Variants in CDH18 observed in about 807,000 individuals in gnomAD.
The protein encoded by CDH18 is cadherin 18.
CDH18 carries 31 observed loss-of-function variants against 67.9 expected under a neutral mutation model. That is an observed-to-expected ratio of 0.46 (90% CI 0.34 to 0.62). The LOEUF (loss-of-function observed/expected upper bound fraction) is 0.62, where lower values mean the gene tolerates loss of function less well. Among genes scored for constraint, CDH18 ranks in the 20% least tolerant of loss-of-function variants. The probability of loss-of-function intolerance (pLI) is 0.01; values close to 1 mark genes in which losing one functional copy is unlikely to be tolerated. For missense variants in CDH18, 890 were observed against 975.5 expected (o/e 0.91, Z 1.17); for synonymous variants, 362 against 347.2 (o/e 1.04, Z -0.48).
chr5:20,421,320 C>A (rs1176754344), intron 1 of CDH18, among the ~76,000 whole-genome samples: 1 of 150,718 alleles, frequency 6.6e-6, no homozygotes, highest in Non-Finnish European at 1.5e-5. Flanking sequence ...GCAGAGAACA[C>A]GTATCCACTT....
chr5:20,540,482 A>C (rs1756993565), intron 1 of CDH18, among the ~76,000 whole-genome samples: 1 of 152,204 alleles, frequency 6.6e-6, no homozygotes. Flanking sequence ...ATGTATGTCT[A>C]TATATGATGT....
chr5:19,626,475 T>C (rs1461428180), intron 5 of CDH18, among the ~76,000 whole-genome samples: 1 of 152,160 alleles, frequency 6.6e-6, no homozygotes, highest in Non-Finnish European at 1.5e-5. Context: ...TCCTTTATCC[T>C]GAGCACTATA....
intron 5 of CDH18, among the ~76,000 whole-genome samples, chr5:19,717,083 T>A (rs977866311): frequency 1.3e-5 from 2 of 152,064 alleles, no homozygotes; most frequent in African/African-American, 4.8e-5. Context: ...AAAGAGCTGA[T>A]ATTGACTACT....
intron 1 of CDH18, among the ~76,000 whole-genome samples, chr5:20,478,088 A>C (rs1289081825): frequency 6.6e-6 from 1 of 152,126 alleles, no homozygotes; most frequent in Non-Finnish European, 1.5e-5. Context: ...GTCACAAATA[A>C]ATATTGGTGG....
intron 1 of CDH18, among the ~76,000 whole-genome samples, chr5:20,282,943 G>T (rs1004685813): frequency 3.3e-5 from 5 of 151,950 alleles, no homozygotes; most frequent in Admixed American, 3.3e-4. Flanking sequence ...CATCAAAATA[G>T]AGAGACCAAA....
chr5:20,468,903 G>A (rs1315206508), intron 1 of CDH18, among the ~76,000 whole-genome samples: 1 of 152,116 alleles, frequency 6.6e-6, no homozygotes, highest in African/African-American at 2.4e-5. Flanking sequence ...TACATTAATC[G>A]AGGTGCATTA....
intron 1 of CDH18, among the ~76,000 whole-genome samples, chr5:20,352,814 A>T (rs925071118): frequency 1.3e-5 from 2 of 151,946 alleles, no homozygotes; most frequent in East Asian, 1.9e-4. Context: ...AATAAAAAAA[A>T]AATAACCTAA....
chr5:20,174,157 TG>T (rs1322473435), intron 2 of CDH18, among the ~76,000 whole-genome samples: 1 of 152,196 alleles, frequency 6.6e-6, no homozygotes, highest in Non-Finnish European at 1.5e-5. Flanking sequence ...GTTTTATAAA[TG>T]GAATTCTAAT....
chr5:19,960,125 A>G (rs1486440321), intron 2 of CDH18, among the ~76,000 whole-genome samples: 1 of 152,042 alleles, frequency 6.6e-6, no homozygotes, highest in African/African-American at 2.4e-5. Flanking sequence ...AGGTAACACT[A>G]AATTTAAATA....
At chr5:20,093,094 A>C (rs1257222394) in intron 2 of CDH18, among the ~76,000 whole-genome samples, 7 of 152,136 alleles carry the variant, frequency 4.6e-5, no homozygotes, top group Admixed American at 4.6e-4. Context: ...ATATTGAGCA[A>C]GGAATGCTGG....
At chr5:20,288,865 TAC>T (rs1464331924) in intron 1 of CDH18, among the ~76,000 whole-genome samples, 4 of 151,978 alleles carry the variant, frequency 2.6e-5, no homozygotes, top group Admixed American at 2.6e-4. Context: ...TTAAAATACC[TAC>T]AGTTAAGATA....
intron 8 of CDH18, among the ~76,000 whole-genome samples, chr5:19,560,341 A>G (rs547045034): frequency 2.0e-5 from 3 of 152,130 alleles, no homozygotes; most frequent in Non-Finnish European, 4.4e-5. Context: ...AACAAAATAG[A>G]TAACCCAGAA....
At chr5:20,571,176 C>CACCT (rs1348299644) in intron 1 of CDH18, among the ~76,000 whole-genome samples, 1 of 152,098 alleles carries the variant, frequency 6.6e-6, no homozygotes, top group Non-Finnish European at 1.5e-5. Flanking sequence ...ATGACAGTGA[C>CACCT]ACCTCTACGT....
At chr5:19,487,477 T>A (rs1481673106) in intron 11 of CDH18, among the ~76,000 whole-genome samples, 2 of 152,174 alleles carry the variant, frequency 1.3e-5, no homozygotes, top group Non-Finnish European at 2.9e-5. Context: ...TGGAAAATAT[T>A]TCACATGAAG....
chr5:20,058,939 G>T (rs565014775), intron 2 of CDH18, among the ~76,000 whole-genome samples: 1 of 151,986 alleles, frequency 6.6e-6, no homozygotes, highest in African/African-American at 2.4e-5. Flanking sequence ...TCTGGTCCTG[G>T]GCTTTTTTTG....
At chr5:19,520,933 G>C (rs961477550) in intron 9 of CDH18, among the ~76,000 whole-genome samples, 155 bp from the exon 10 acceptor site, 2 of 152,248 alleles carry the variant, frequency 1.3e-5, no homozygotes, top group Admixed American at 1.3e-4. Flanking sequence ...CTCTTTGCTA[G>C]AACTCATTAA....
At chr5:19,693,895 GAAAA>G (rs11357542) in intron 5 of CDH18, among the ~76,000 whole-genome samples, 3 of 118,938 alleles carry the variant, frequency 2.5e-5, no homozygotes, top group Admixed American at 8.6e-5. Context: ...GACTCTGTCT[GAAAA>G]AAAAAAAAAA....
At chr5:20,334,750 T>A (rs113254102) in intron 1 of CDH18, among the ~76,000 whole-genome samples, 8,510 of 99,266 alleles carry the variant, frequency 0.086, 332 homozygotes, top group African/African-American at 0.2. Flanking sequence ...TCTCTCTCTC[T>A]CATACACACA....
chr5:20,552,108 C>T (rs1757664081), intron 1 of CDH18, among the ~76,000 whole-genome samples: 1 of 151,696 alleles, frequency 6.6e-6, no homozygotes, highest in Non-Finnish European at 1.5e-5. Flanking sequence ...CAAAGATTTG[C>T]TAGCAAAATG....
Sources: gnomAD v4.1 joint callset for allele counts (sites outside exome capture counted in the v4.1 genomes callset) on GRCh38, gnomAD v4.1.1 for gene constraint, MANE v1.5 for transcripts, NCBI Gene and HGNC (gene_info 2026-07-23, HGNC 2026-07-21) for gene names.